The following CNTNAP5 variants were observed in gnomAD, a reference collection of about 807,000 sequenced individuals.
CNTNAP5 encodes the protein contactin associated protein family member 5, also known as contactin-associated protein-like 5.
Under a neutral mutation model 150.2 loss-of-function variants are expected in CNTNAP5, and 72 were observed. That is an observed-to-expected ratio of 0.48 (90% CI 0.40 to 0.58). CNTNAP5 has a LOEUF of 0.58. Among genes scored for constraint, CNTNAP5 ranks in the 20% least tolerant of loss-of-function variants. The pLI is 0.00. For missense variants in CNTNAP5, 1,636 were observed against 1,626.2 expected (o/e 1.01, Z -0.10); for synonymous variants, 672 against 619.8 (o/e 1.08, Z -1.25).
intron 3 of CNTNAP5, among the ~76,000 whole-genome samples, chr2:124,275,054 AAG>A (rs1687853503): frequency 6.6e-6 from 1 of 152,134 alleles, no homozygotes; most frequent in Admixed American, 6.6e-5. Flanking sequence ...GTGTCAGGCA[AAG>A]AGAGAGAACT....
intron 1 of CNTNAP5, among the ~76,000 whole-genome samples, chr2:124,180,828 C>T (rs887422835): frequency 6.8e-6 from 1 of 146,072 alleles, no homozygotes; most frequent in African/African-American, 2.6e-5. Flanking sequence ...TAGGAAATAC[C>T]CTCCCCTGCC....
chr2:124,892,867 A>C lies in CNTNAP5; in HGVS notation c.3437-10015A>C, dbSNP rs139542836. On this transcript the variant is annotated intron_variant, in intron 21 of 23. Transcript: ENST00000682447. ...TTTTCTTTGCATGAAGGCGTTGAAGACTTTTAAAATATAAATATGCTGTCT... is the reference window on the plus strand; with the variant it reads ...TTTTCTTTGCATGAAGGCGTTGAAGCCTTTTAAAATATAAATATGCTGTCT... 8.7e-3 allele frequency among the ~76,000 whole-genome samples: 1,329 copies of C among 152,206 alleles called. 22 individuals carry two copies. Among genetic ancestry groups the C allele is most frequent in the African/African-American group, 0.031 (1,275 of 41,532 alleles).
intron 13 of CNTNAP5, among the ~76,000 whole-genome samples, chr2:124,695,618 C>T (rs543604549): frequency 1.3e-5 from 2 of 152,266 alleles, no homozygotes; most frequent in South Asian, 4.1e-4. Flanking sequence ...GTCTTCCAAA[C>T]TTAAGTGGGA....
intron 1 of CNTNAP5, among the ~76,000 whole-genome samples, chr2:124,026,306 C>G (rs1680887186): frequency 6.6e-6 from 1 of 152,134 alleles, no homozygotes; most frequent in African/African-American, 2.4e-5. Flanking sequence ...TGTTGTTAAC[C>G]ACAAGATCAA....
intron 5 of CNTNAP5, among the ~76,000 whole-genome samples, chr2:124,436,056 A>G (rs928671444): frequency 3.3e-5 from 5 of 152,220 alleles, no homozygotes; most frequent in South Asian, 4.1e-4. Flanking sequence ...ACATGCATCA[A>G]TACATTTACT....
At chr2:124,613,974 A>C (rs2104988552) in intron 12 of CNTNAP5, among the ~76,000 whole-genome samples, 1 of 152,234 alleles carries the variant, frequency 6.6e-6, no homozygotes, top group Non-Finnish European at 1.5e-5. Context: ...GGAGAGCACA[A>C]TTTTTGGTTG....
intron 8 of CNTNAP5, among the ~76,000 whole-genome samples, chr2:124,518,994 C>CAA (rs35578704): frequency 0.29 from 13,773 of 47,694 alleles, 2,113 homozygotes; most frequent in South Asian, 0.4. Context: ...GCCTGGGCCG[C>CAA]AAAAAAAAAA....
chr2:124,419,825 A>G (rs1274117331), intron 4 of CNTNAP5, among the ~76,000 whole-genome samples: 1 of 152,030 alleles, frequency 6.6e-6, no homozygotes, highest in Non-Finnish European at 1.5e-5. Flanking sequence ...TCTAAAACCA[A>G]TGGGTTAGCA....
chr2:124,913,544 A>G (rs1678699773), intron 23 of CNTNAP5, among the ~76,000 whole-genome samples: 1 of 152,140 alleles, frequency 6.6e-6, no homozygotes, highest in South Asian at 2.1e-4. Flanking sequence ...AGTTCAGAGC[A>G]GTGTAAAAAT....
chr2:124,476,415 A>G (rs1377942046), intron 7 of CNTNAP5, among the ~76,000 whole-genome samples: 3 of 148,754 alleles, frequency 2.0e-5, no homozygotes, highest in Non-Finnish European at 4.5e-5. Context: ...ACTGCTGCCC[A>G]TGTGATCTGC....
At chr2:124,382,576 T>C (rs1379781625) in intron 3 of CNTNAP5, among the ~76,000 whole-genome samples, 1 of 152,160 alleles carries the variant, frequency 6.6e-6, no homozygotes, top group East Asian at 1.9e-4. Flanking sequence ...ACAATCATTG[T>C]GGGTTTTTGC....
At chr2:124,822,790 C>A (rs1682517938) in intron 19 of CNTNAP5, among the ~76,000 whole-genome samples, 3 of 152,076 alleles carry the variant, frequency 2.0e-5, no homozygotes, top group Admixed American at 2.0e-4. Context: ...ATGGGGTATT[C>A]TTTTAGACAG....
intron 8 of CNTNAP5, among the ~76,000 whole-genome samples, chr2:124,507,926 T>G (rs1247933747): frequency 6.6e-6 from 1 of 152,190 alleles, no homozygotes; most frequent in Admixed American, 6.5e-5. Context: ...TTTTATAATC[T>G]AATATTGAAA....
chr2:124,754,223 A>G (rs1279438802), intron 14 of CNTNAP5, among the ~76,000 whole-genome samples: 1 of 152,202 alleles, frequency 6.6e-6, no homozygotes, highest in Non-Finnish European at 1.5e-5. Context: ...AGAAATAACA[A>G]TTCACCTCAG....
At chr2:124,271,658 A>AATCT (rs147548369) in intron 3 of CNTNAP5, among the ~76,000 whole-genome samples, 14,443 of 141,070 alleles carry the variant, frequency 0.1, 914 homozygotes, top group Middle Eastern at 0.15. Context: ...GTTTTTTTTT[A>AATCT]ATCTATCTAT....
intron 6 of CNTNAP5, among the ~76,000 whole-genome samples, chr2:124,456,234 C>G (rs1203219697): frequency 6.6e-6 from 1 of 151,958 alleles, no homozygotes; most frequent in Non-Finnish European, 1.5e-5. Flanking sequence ...ATAAAAAAAT[C>G]AATGTAGCTC....
At chr2:124,030,265 G>T (rs1348508911) in intron 1 of CNTNAP5, among the ~76,000 whole-genome samples, 2 of 152,090 alleles carry the variant, frequency 1.3e-5, no homozygotes, top group Non-Finnish European at 2.9e-5. Context: ...TAACAATATA[G>T]TAGGGTTTTA....
chr2:124,169,720 T>C (rs935091011), intron 1 of CNTNAP5, among the ~76,000 whole-genome samples: 2 of 152,160 alleles, frequency 1.3e-5, no homozygotes, highest in Admixed American at 1.3e-4. Flanking sequence ...TTGTTTAAGG[T>C]ACAGAACAAA....
At chr2:124,218,528 G>A (rs760979367) in intron 1 of CNTNAP5, among the ~76,000 whole-genome samples, 2 of 152,126 alleles carry the variant, frequency 1.3e-5, no homozygotes, top group African/African-American at 2.4e-5. Context: ...AATGCATAGG[G>A]TCTATGAGGA....
Sources: allele counts gnomAD v4.1 joint callset (sites outside exome capture counted in the v4.1 genomes callset), GRCh38; gene constraint gnomAD v4.1.1; transcripts MANE v1.5; gene names NCBI Gene and HGNC (gene_info 2026-07-23, HGNC 2026-07-21).